COL24A1: variants seen among roughly 807,000 people sequenced by gnomAD.
COL24A1 encodes collagen alpha-1(XXIV) chain.
In COL24A1, 224 loss-of-function variants were observed where a neutral mutation model predicts 253.9. The ratio of observed to expected loss-of-function variants is 0.88; its 90% confidence interval spans 0.79 to 0.99. COL24A1 has a LOEUF of 0.99. Ranked by LOEUF, COL24A1 falls within the 50% of genes least tolerant of loss-of-function variation. The pLI, the probability that COL24A1 is intolerant of heterozygous loss-of-function variation, is 0.00. For synonymous variants in COL24A1, 685 were observed against 673.7 expected (o/e 1.02, Z -0.26); for missense variants, 2,131 against 2,068.5 (o/e 1.03, Z -0.59).
chr1:85,736,279 C>T (rs1034686590), intron 58 of COL24A1: 3 of 456,014 alleles, frequency 6.6e-6, no homozygotes, highest in Non-Finnish European at 1.3e-5. Flanking sequence ...TCTGGTCTTC[C>T]TTGGGTTGAG....
At chr1:85,862,166 T>G (rs550960805) in intron 37 of COL24A1, among the ~76,000 whole-genome samples, 1 of 152,312 alleles carries the variant, frequency 6.6e-6, no homozygotes, top group Admixed American at 6.5e-5. Context: ...CAATCTGCAG[T>G]GATCTTTTAA....
chr1:86,107,453 GT>G, intron 5 of COL24A1, among the ~76,000 whole-genome samples: 1 of 152,180 alleles, frequency 6.6e-6, no homozygotes, highest in East Asian at 1.9e-4. Flanking sequence ...AAGAAAATCG[GT>G]TTCACAAAAT....
intron 28 of COL24A1, among the ~76,000 whole-genome samples, chr1:85,896,960 T>A (rs932412607): frequency 6.6e-6 from 1 of 152,156 alleles, no homozygotes; most frequent in African/African-American, 2.4e-5. Context: ...GTTGAGGTGG[T>A]TATAATATAG....
intron 53 of COL24A1, among the ~76,000 whole-genome samples, chr1:85,765,432 T>A (rs567894762): frequency 6.6e-6 from 1 of 151,888 alleles, no homozygotes; most frequent in South Asian, 2.1e-4. Flanking sequence ...AGGTCAGGTA[T>A]AGTGACTCAT....
intron 58 of COL24A1, among the ~76,000 whole-genome samples, chr1:85,735,801 G>A (rs1663985840): frequency 6.6e-6 from 1 of 151,984 alleles, no homozygotes; most frequent in Admixed American, 6.6e-5. Context: ...CATAATGTAA[G>A]TGAACAGAAA....
chr1:85,969,492 C>T (rs1317845543), intron 22 of COL24A1, among the ~76,000 whole-genome samples: 2 of 150,220 alleles, frequency 1.3e-5, no homozygotes, highest in African/African-American at 4.9e-5. Flanking sequence ...GTAATTCTAG[C>T]TACTCGGGAG....
chr1:86,143,362 T>C (rs1651423832), intron 2 of COL24A1, among the ~76,000 whole-genome samples: 1 of 152,018 alleles, frequency 6.6e-6, no homozygotes, highest in Non-Finnish European at 1.5e-5. Context: ...TGGGGGAAAA[T>C]ATATTTCAAA....
intron 19 of COL24A1, among the ~76,000 whole-genome samples, chr1:86,015,981 C>T (rs897497551): frequency 6.6e-6 from 1 of 151,528 alleles, no homozygotes; most frequent in African/African-American, 2.4e-5. Flanking sequence ...CTACCTCAGC[C>T]TCCCGAGTAG....
At chr1:86,043,528 T>C (rs1699661827) in intron 12 of COL24A1, among the ~76,000 whole-genome samples, 1 of 152,144 alleles carries the variant, frequency 6.6e-6, no homozygotes. Flanking sequence ...TTTTTATTTT[T>C]ATTTTTCATT....
chr1:85,941,268 A>G (rs1688731725), intron 24 of COL24A1, among the ~76,000 whole-genome samples: 1 of 152,194 alleles, frequency 6.6e-6, no homozygotes. Context: ...TCTGAGGATT[A>G]TATCTAAAGA....
chr1:86,148,604 G>T (rs1035460532), intron 1 of COL24A1, among the ~76,000 whole-genome samples: 1 of 151,720 alleles, frequency 6.6e-6, no homozygotes, highest in African/African-American at 2.4e-5. Context: ...GCAGTGTTTG[G>T]TTTTTTGTTC....
chr1:85,905,621 C>A (rs560902334), intron 28 of COL24A1, among the ~76,000 whole-genome samples: 6 of 152,004 alleles, frequency 3.9e-5, no homozygotes, highest in African/African-American at 1.4e-4. Context: ...GGAGCCATTT[C>A]GGGAGAGAAT....
At chr1:85,862,102 C>G (rs1488727521) in intron 37 of COL24A1, among the ~76,000 whole-genome samples, 1 of 152,192 alleles carries the variant, frequency 6.6e-6, no homozygotes, top group Non-Finnish European at 1.5e-5. Context: ...CTTTTCTACC[C>G]ATAATCAGTT....
At chr1:85,742,118 T>C (rs1009663528) in intron 57 of COL24A1, among the ~76,000 whole-genome samples, 2 of 146,172 alleles carry the variant, frequency 1.4e-5, no homozygotes, top group African/African-American at 2.5e-5. Flanking sequence ...ATCCAGTTTT[T>C]AGACCTCATT....
intron 19 of COL24A1, among the ~76,000 whole-genome samples, chr1:85,998,621 T>C (rs1695095565): frequency 6.6e-6 from 1 of 152,230 alleles, no homozygotes; most frequent in African/African-American, 2.4e-5. Context: ...AAATGAGGTA[T>C]TGACTTTGCA....
chr1:85,761,338 A>G, intron 55 of COL24A1, 58 bp downstream of exon 55: 1 of 1,581,204 alleles, frequency 6.3e-7, no homozygotes, highest in South Asian at 1.1e-5. Context: ...AGGATATTTA[A>G]AAAGTTAATA....
At chr1:85,862,695 C>G (rs184439884) in intron 37 of COL24A1, among the ~76,000 whole-genome samples, 11 of 152,262 alleles carry the variant, frequency 7.2e-5, no homozygotes, top group Non-Finnish European at 1.2e-4. Context: ...TGAAACTGTT[C>G]AGAATAAACA....
At chr1:85,816,920 T>C (rs1673098728) in intron 46 of COL24A1, 25 bp from the exon 47 acceptor site, 1 of 1,495,994 alleles carries the variant, frequency 6.7e-7, no homozygotes, top group Middle Eastern at 1.7e-4. Flanking sequence ...ATTATTTGGA[T>C]TGTAGAGATG....
chr1:86,122,350 T>C (rs1647502162), intron 3 of COL24A1, among the ~76,000 whole-genome samples: 1 of 151,978 alleles, frequency 6.6e-6, no homozygotes, highest in Non-Finnish European at 1.5e-5. Flanking sequence ...TTTCTTTCTA[T>C]AACCAAAAAG....
Sources: gnomAD v4.1 joint callset for allele counts (sites outside exome capture counted in the v4.1 genomes callset) on GRCh38, gnomAD v4.1.1 for gene constraint, MANE v1.5 for transcripts, NCBI Gene and HGNC (gene_info 2026-07-23, HGNC 2026-07-21) for gene names.